CEP85: variants seen among roughly 807,000 people sequenced by gnomAD.
CEP85 encodes centrosomal protein of 85 kDa.
CEP85 carries 58 observed loss-of-function variants against 93.7 expected under a neutral mutation model. The observed-to-expected ratio is 0.62, with a 90% CI of 0.50 to 0.77. The LOEUF is 0.77. Ranked by LOEUF, CEP85 falls within the 30% of genes least tolerant of loss-of-function variation. The probability of loss-of-function intolerance (pLI) is 0.00; values close to 1 mark genes in which losing one functional copy is unlikely to be tolerated. For synonymous variants in CEP85, 314 were observed against 338.6 expected (o/e 0.93, Z 0.80); for missense variants, 868 against 922.0 (o/e 0.94, Z 0.76).
chr1:26,277,187 G>A lies in CEP85; in HGVS notation c.2180G>A (p.Arg727Lys). 1 of 1,614,192 alleles carries A rather than the reference G, an allele frequency of 6.2e-7. No homozygotes were observed. The highest frequency in any genetic ancestry group is 8.5e-7 in the Non-Finnish European group (1 of 1,179,998). Residue 727 changes from arginine (R) to lysine (K), a missense_variant, in exon 14 of 14, where the codon AGG becomes AAG. Coordinates refer to ENST00000451429, the MANE Select transcript of CEP85 (RefSeq NM_001319944.2). Reference protein sequence around the residue: ...LDLQKPDVIKRKLEEVQQLRR... With the variant: ...LDLQKPDVIKKKLEEVQQLRR... ...TTGCAGAAGCCAGATGTGATCAAGA[G>A]GAAACTAGAAGAGGTTCAACAGCTG...
chr1:26,256,153 T>G (rs1377434994), intron 4 of CEP85, among the ~76,000 whole-genome samples: 1 of 152,234 alleles, frequency 6.6e-6, no homozygotes, highest in Non-Finnish European at 1.5e-5. Flanking sequence ...TTATTTAATC[T>G]TCATAGTGTA....
rs200807749 is a variant in CEP85 at position 26,257,551 on chromosome 1, G to T, written c.904-46G>T. The T allele has an allele frequency of 3.0e-5, 49 of 1,609,054 alleles. 1 individual carries two copies. In the South Asian group the frequency reaches 4.9e-4, roughly 16 times the overall value. Reference sequence around the variant, plus strand: ...GATTACTGCTCAGGTGTTTTCAGGCGTGTATGGGTCAAGATCAAGCTCATC... The same window carrying T: ...GATTACTGCTCAGGTGTTTTCAGGCTTGTATGGGTCAAGATCAAGCTCATC... On this transcript the variant is annotated intron_variant, in intron 4 of 13. Coordinates refer to ENST00000451429, the MANE Select transcript of CEP85 (RefSeq NM_001319944.2).
intron 2 of CEP85, among the ~76,000 whole-genome samples, chr1:26,242,224 G>C (rs75538848): frequency 6.6e-6 from 1 of 152,150 alleles, no homozygotes; most frequent in East Asian, 1.9e-4. Context: ...ACAGGGAAGC[G>C]GTTTCCAGTA....
chr1:26,249,557 C>G (rs2124571847), intron 3 of CEP85, among the ~76,000 whole-genome samples: 1 of 152,276 alleles, frequency 6.6e-6, no homozygotes, highest in South Asian at 2.1e-4. Flanking sequence ...TCTCGAGGGA[C>G]AGAGTAGAGG....
At chr1:26,248,154 C>T (rs114839062) in intron 3 of CEP85, among the ~76,000 whole-genome samples, 5 of 152,292 alleles carry the variant, frequency 3.3e-5, no homozygotes, top group Admixed American at 6.5e-5. Context: ...AGCTGGTTAT[C>T]AGATTCTGGT....
intron 6 of CEP85, among the ~76,000 whole-genome samples, chr1:26,259,083 T>C (rs1019009434): frequency 6.6e-6 from 1 of 152,230 alleles, no homozygotes; most frequent in African/African-American, 2.4e-5. Context: ...ATTAAGGCAG[T>C]ATCCTGTCTC....
intron 3 of CEP85, among the ~76,000 whole-genome samples, chr1:26,251,730 A>G (rs1378645842): frequency 3.3e-5 from 5 of 152,108 alleles, no homozygotes; most frequent in Non-Finnish European, 7.4e-5. Flanking sequence ...CTTTCAAACC[A>G]CAGCAGGGGG....
At chr1:26,274,486 G>A (rs533348800) in intron 11 of CEP85, among the ~76,000 whole-genome samples, 3 of 152,230 alleles carry the variant, frequency 2.0e-5, no homozygotes, top group Non-Finnish European at 4.4e-5. Flanking sequence ...AAGCCATGAT[G>A]GATATGATAG....
chr1:26,242,404 A>G (rs1026603740), intron 2 of CEP85, among the ~76,000 whole-genome samples: 1 of 152,192 alleles, frequency 6.6e-6, no homozygotes, highest in Non-Finnish European at 1.5e-5. Flanking sequence ...GGCTAATCTC[A>G]TGCCGCTCAG....
chr1:26,270,450 T>C (rs2089957799), intron 9 of CEP85, among the ~76,000 whole-genome samples: 1 of 152,186 alleles, frequency 6.6e-6, no homozygotes, highest in Non-Finnish European at 1.5e-5. Context: ...AAAATAATGG[T>C]GTGTTTCAAC....
chr1:26,248,772 G>C (rs1279440192), intron 3 of CEP85, among the ~76,000 whole-genome samples: 1 of 116,578 alleles, frequency 8.6e-6, no homozygotes, highest in African/African-American at 3.4e-5. Context: ...TGTTGCCCAG[G>C]CTGGAGTGCA....
chr1:26,255,209 A>C lies in CEP85; in HGVS notation c.247A>C (p.Ile83Leu). The C allele has an allele frequency of 6.2e-7, 1 of 1,614,116 alleles. No homozygotes were observed. The highest frequency in any genetic ancestry group is 8.5e-7 in the Non-Finnish European group (1 of 1,179,998). Residue 83 changes from isoleucine to leucine, a missense_variant, in exon 4 of 14, where the codon ATC becomes CTC. Physicochemically the swap from Ile to Leu is conservative, Grantham distance 5. Transcript: ENST00000451429. ...AAGTGGCAGTCCTCCTTTCCAGCCC[A>C]TCAAAAGCCACGTAACCATTCCAAC... ...SSSGSPPFQP[I>L]KSHVTIPTAH... is the part of the protein sequence containing the mutation.
intron 8 of CEP85, chr1:26,269,144 C>A: frequency 3.3e-6 from 1 of 304,438 alleles, no homozygotes; most frequent in Non-Finnish European, 6.3e-6. Context: ...CACTCTGGCT[C>A]ATAAACCTGT....
chr1:26,241,432 G>C (rs1255494683), intron 2 of CEP85, among the ~76,000 whole-genome samples: 1 of 151,788 alleles, frequency 6.6e-6, no homozygotes. Context: ...TTTTAATAGA[G>C]ACGGGGTTTC....
rs200253875 is a variant in CEP85, at chr1:26,244,295, C to T, written c.185C>T (p.Thr62Ile). 246 of 1,613,824 alleles carry T rather than the reference C, an allele frequency of 1.5e-4. No homozygotes were observed. The highest frequency in any genetic ancestry group is 1.9e-4 in the Non-Finnish European group (225 of 1,179,946). ...VADSGDTAIG[T>I]SCSDIAEDFC... ...GACAGTGGGGACACAGCCATTGGTA[C>T]ATCATGCTCAGATATTGCGGAGGGT... is the stretch of plus-strand genomic sequence containing the variant. The change falls in exon 3 of 14, where the codon ACA becomes ATA. Residue 62 changes from threonine (T) to isoleucine (I), a missense_variant. Thr to Ile is a moderately conservative substitution (Grantham distance 89). Transcript: ENST00000451429.
At chr1:26,259,547 C>A in intron 6 of CEP85, 70 bp from the exon 7 acceptor site, 2 of 1,363,694 alleles carry the variant, frequency 1.5e-6, no homozygotes, top group Non-Finnish European at 2.0e-6. Context: ...GTGAAGTATG[C>A]TGGGAATAAG....
At position 26,265,800 on chromosome 1, in the gene CEP85, C is replaced by T. The variant is rs576088749; in HGVS notation, c.1342-2683C>T. Among the ~76,000 whole-genome samples, 23 of 152,324 alleles carry T rather than the reference C, an allele frequency of 1.5e-4. No homozygotes were observed. In the South Asian group the frequency reaches 4.4e-3, roughly 29 times the overall value. ...TAAAAACATTAAAATCTTTCATAGG[C>T]TGGGCATGGTGGCTCACTCCTCTTA... On this transcript the variant is annotated intron_variant, in intron 7 of 13. Coordinates refer to ENST00000451429, the MANE Select transcript of CEP85 (RefSeq NM_001319944.2).
Position 26,277,503 on chromosome 1 carries a change from G to A in CEP85, c.*210G>A, listed in dbSNP as rs938796163. ...ACGTTTGTCCTGTTAATTCACTCTAGACGGTGAGTTACTAATTAACTTTTG... is the reference window on the plus strand; with the variant it reads ...ACGTTTGTCCTGTTAATTCACTCTAAACGGTGAGTTACTAATTAACTTTTG... On this transcript the variant is annotated 3_prime_UTR_variant, in exon 14 of 14. Transcript: ENST00000451429. 3.5e-5 allele frequency: 17 copies of A among 486,766 alleles called. No individual in the cohort carries two copies. Among genetic ancestry groups the A allele is most frequent in the Admixed American group, 1.0e-4 (3 of 29,374 alleles). 30.2% of individuals were successfully genotyped at this position (486,766 alleles called of 1,614,324 possible).
chr1:26,255,495 A>G lies in CEP85; in HGVS notation c.533A>G (p.Lys178Arg). 6.2e-7 allele frequency: 1 copy of G among 1,614,106 alleles called. No individual in the cohort carries two copies. The highest frequency in any genetic ancestry group is 8.5e-7 in the Non-Finnish European group (1 of 1,180,000). ...CATGAAAGACAAGAAGAGGCGAGGA[A>G]GTTTGATATTCCTAGCATGGAATCT... ...VGHERQEEAR[K>R]FDIPSMESTL... Residue 178 changes from lysine to arginine, a missense_variant, in exon 4 of 14, where the codon AAG (lysine) becomes AGG (arginine). Lys to Arg is a conservative substitution (Grantham distance 26, BLOSUM62 2). Transcript: ENST00000451429.
Sources: gnomAD v4.1 joint callset for allele counts (sites outside exome capture counted in the v4.1 genomes callset) on GRCh38, gnomAD v4.1.1 for gene constraint, MANE v1.5 for transcripts, NCBI Gene and HGNC (gene_info 2026-07-23, HGNC 2026-07-21) for gene names.